CYP4F11: variants seen among roughly 807,000 people sequenced by gnomAD.
The protein encoded by CYP4F11 is cytochrome P450 4F11.
CYP4F11 carries 79 observed loss-of-function variants against 62.2 expected under a neutral mutation model. The observed-to-expected ratio is 1.27, with a 90% CI of 1.06 to 1.53. The LOEUF (loss-of-function observed/expected upper bound fraction) is 1.53. CYP4F11 is among the 40% of genes most tolerant of loss of function. The pLI, the probability that CYP4F11 is intolerant of heterozygous loss-of-function variation, is 0.00. For synonymous variants in CYP4F11, 290 were observed against 263.7 expected (o/e 1.10, Z -0.97); for missense variants, 777 against 680.5 (o/e 1.14, Z -1.58).
At chr19:15,924,602 C>T (rs1053202815) in intron 5 of CYP4F11, among the ~76,000 whole-genome samples, 159 bp downstream of exon 5, 1 of 152,146 alleles carries the variant, frequency 6.6e-6, no homozygotes, top group Admixed American at 6.5e-5. Context: ...AACCTCATGT[C>T]TACTGTCTCT....
chr19:15,923,269 C>CTCTCTA (rs2089643070), intron 6 of CYP4F11, among the ~76,000 whole-genome samples: 1 of 151,564 alleles, frequency 6.6e-6, no homozygotes, highest in Non-Finnish European at 1.5e-5. Flanking sequence ...CTCTCTCTCT[C>CTCTCTA]TCTCTCTCTC....
In CYP4F11 at chr19:15,913,553, G is replaced by A. The variant is rs2089554414; in HGVS notation, c.*179C>T. The A allele has an allele frequency of 1.4e-6, 1 of 739,202 alleles. No homozygotes were observed. The highest frequency in any genetic ancestry group is 1.8e-5 in the African/African-American group (1 of 56,756). The allele number at this position is 739,202 out of a possible 1,614,324, so 45.8% of individuals were successfully genotyped here. A position where few individuals can be genotyped will look rare whatever the true frequency, so the allele number is the denominator to read the frequency against. On this transcript the variant is annotated 3_prime_UTR_variant, in exon 12 of 12. Transcript: ENST00000402119. ...GGCCTAGATGCCCTGTGCTCAGCCA[G>A]AGAGGCCGTCAGGGTTTTGGGTTCA...
In CYP4F11 at chr19:15,923,935, G is replaced by T. The variant is rs748732844; in HGVS notation, c.795C>A (p.Asp265Glu). Residue 265 changes from aspartate (D) to glutamate (E), a missense_variant, in exon 6 of 12, where the codon GAC (aspartate) becomes GAA (glutamate). Transcript: ENST00000402119. ...RFRRACHLVH[D>E]FTDAVIQERR... ...GCTCCTGGATGACGGCATCTGTGAA[G>T]TCGTGCACCAGGTGGCAGGCCCTGC... The T allele has an allele frequency of 1.9e-6, 3 of 1,614,226 alleles. No homozygotes were observed. Among genetic ancestry groups the T allele is most frequent in the East Asian group, 2.2e-5 (1 of 44,882 alleles).
At chr19:15,932,402 GA>G (rs1211957260) in intron 1 of CYP4F11, among the ~76,000 whole-genome samples, 9 of 95,424 alleles carry the variant, frequency 9.4e-5, no homozygotes, top group Admixed American at 1.9e-4. Flanking sequence ...ATGAGTGAGT[GA>G]GGAGAGGAAT....
At chr19:15,929,676 G>C (rs1354772290) in intron 1 of CYP4F11, 75 bp from the exon 2 acceptor site, 1 of 1,494,394 alleles carries the variant, frequency 6.7e-7, no homozygotes, top group African/African-American at 1.4e-5. Context: ...TGAATTCCAC[G>C]TGACCGAGCC....
intron 1 of CYP4F11, among the ~76,000 whole-genome samples, chr19:15,931,635 AGT>A (rs2089724067): frequency 1.0e-4 from 7 of 67,860 alleles, no homozygotes; most frequent in South Asian, 5.5e-4. Context: ...GAGAGGAATG[AGT>A]GAGCGAGGAG....
At chr19:15,920,069 C>T (rs1368467500) in intron 8 of CYP4F11, among the ~76,000 whole-genome samples, 2 of 152,132 alleles carry the variant, frequency 1.3e-5, no homozygotes, top group Non-Finnish European at 2.9e-5. Context: ...GAGAAAATTT[C>T]AAATGTTCTC....
At chr19:15,917,831 C>T (rs2089594419) in intron 8 of CYP4F11, among the ~76,000 whole-genome samples, 1 of 152,016 alleles carries the variant, frequency 6.6e-6, no homozygotes, top group South Asian at 2.1e-4. Flanking sequence ...TTTAAGGAAA[C>T]GTTCACTAAA....
rs755823193 is a variant in CYP4F11, at chr19:15,914,844, C to T, written c.1167G>A (p.Leu389=). The T allele has an allele frequency of 9.9e-6, 16 of 1,614,168 alleles. No homozygotes were observed. Among genetic ancestry groups the T allele is most frequent in the Non-Finnish European group, 1.4e-5 (16 of 1,180,034 alleles). ...TGACCGGGACTGGGGGATGCAACCG[C>T]AGGCTCTCCTTAATGCACATGGTCA... The part of the protein sequence containing the change: ...PFLTMCIKES[L]RLHPPVPVIS... The change falls in exon 9 of 12, where the codon CTG becomes CTA. Residue 389 remains leucine (L), a synonymous_variant. Coordinates refer to ENST00000402119, the MANE Select transcript of CYP4F11 (RefSeq NM_021187.4).
At chr19:15,931,251 A>G (rs1410442757) in intron 1 of CYP4F11, among the ~76,000 whole-genome samples, 1 of 151,882 alleles carries the variant, frequency 6.6e-6, no homozygotes, top group African/African-American at 2.4e-5. Context: ...AAAGGGGCTC[A>G]GAGCTAATTC....
chr19:15,922,227 C>G lies in CYP4F11; in HGVS notation c.986-61G>C, dbSNP rs796963790. ...TGCTTCAGCACCAGAGGGAGGAGAGCACCCAAACTCTGAGGCCCTCAGGAG... is the reference window on the plus strand; with the variant it reads ...TGCTTCAGCACCAGAGGGAGGAGAGGACCCAAACTCTGAGGCCCTCAGGAG... On this transcript the variant is annotated intron_variant, in intron 7 of 11. Transcript: ENST00000402119. The G allele has an allele frequency of 1.8e-5, 29 of 1,595,946 alleles. No homozygotes were observed. In the African/African-American group the frequency reaches 2.5e-4, roughly 14 times the overall value.
intron 1 of CYP4F11, among the ~76,000 whole-genome samples, chr19:15,930,900 A>C (rs1461680277): frequency 6.6e-6 from 1 of 152,194 alleles, no homozygotes; most frequent in Non-Finnish European, 1.5e-5. Flanking sequence ...AACTGTCTAC[A>C]GTAAGCACCT....
In CYP4F11 at chr19:15,933,985, GAGAGGAATGAGTGAGTGGGC is replaced by G. The variant is rs1555695863; in HGVS notation, c.198+206_198+225del. ...GCGGGGAGAGGAATGAGTGAGCGGG[GAGAGGAATGAGTGAGTGGGC>G]AGAGGAATGAGTGAGTGGGCAGAGG... On this transcript the variant is annotated intron_variant, in intron 1 of 11. Transcript: ENST00000402119. 8.2e-3 allele frequency among the ~76,000 whole-genome samples: 774 copies of G among 94,328 alleles called. 107 individuals are homozygous for G. The highest frequency in any genetic ancestry group is 0.023 in the African/African-American group (720 of 31,214). 61.9% of individuals were successfully genotyped at this position (94,328 alleles called of 152,430 possible). A position where few individuals can be genotyped will look rare whatever the true frequency, so the allele number is the denominator to read the frequency against.
At chr19:15,924,609 C>G in intron 5 of CYP4F11, 152 bp downstream of exon 5, 1 of 782,186 alleles carries the variant, frequency 1.3e-6, no homozygotes, top group Non-Finnish European at 2.0e-6. Context: ...TGTCTACTGT[C>G]TCTTTCCCCC....
rs60842401 is a variant in CYP4F11, at chr19:15,921,054, GTCTCTCTC to G, written c.1115+975_1115+982del. ...TTGGTCTCTCTCTCTCTCTCTTTCT[GTCTCTCTC>G]TCTCTCTCTCTCTCTCTCTCTCTCT... is the stretch of plus-strand genomic sequence containing the variant. On this transcript the variant is annotated intron_variant, in intron 8 of 11. Transcript: ENST00000402119. Among the ~76,000 whole-genome samples, 791 of 122,286 alleles carry G rather than the reference GTCTCTCTC, an allele frequency of 6.5e-3. 7 individuals carry two copies. The highest frequency in any genetic ancestry group is 0.016 in the Middle Eastern group (4 of 250). The allele number at this position is 122,286 out of a possible 152,430, so 80.2% of individuals were successfully genotyped here.
At chr19:15,915,309 G>T (rs1413034545) in intron 8 of CYP4F11, among the ~76,000 whole-genome samples, 2 of 152,190 alleles carry the variant, frequency 1.3e-5, no homozygotes, top group Non-Finnish European at 2.9e-5. Flanking sequence ...AAAAAAGAGA[G>T]GAATGCAATT....
At chr19:15,931,765 G>GGGC (rs2089727544) in intron 1 of CYP4F11, among the ~76,000 whole-genome samples, 1 of 29,140 alleles carries the variant, frequency 3.4e-5, no homozygotes, top group Admixed American at 4.2e-4. Flanking sequence ...AGTGAGTGAG[G>GGGC]AGAGGAATGA....
intron 8 of CYP4F11, among the ~76,000 whole-genome samples, chr19:15,918,947 A>G (rs538457011): frequency 6.7e-6 from 1 of 148,674 alleles, no homozygotes; most frequent in Non-Finnish European, 1.5e-5. Context: ...AAAAAAAAAA[A>G]CAGCTGTAAG....
chr19:15,914,123 G>A (rs1011513782), intron 11 of CYP4F11, among the ~76,000 whole-genome samples, 182 bp downstream of exon 11: 3 of 152,186 alleles, frequency 2.0e-5, no homozygotes, highest in Middle Eastern at 3.4e-3. Flanking sequence ...ATGAAGGAGG[G>A]GACTCTGAGC....
Sources: gnomAD v4.1 joint callset for allele counts (sites outside exome capture counted in the v4.1 genomes callset) on GRCh38, gnomAD v4.1.1 for gene constraint, MANE v1.5 for transcripts, NCBI Gene and HGNC (gene_info 2026-07-23, HGNC 2026-07-21) for gene names.